Variants in AUP1 observed in about 807,000 individuals in gnomAD.
AUP1 encodes the protein AUP1 lipid droplet regulating VLDL assembly factor, also known as lipid droplet-regulating VLDL assembly factor AUP1.
Under a neutral mutation model 51.8 loss-of-function variants are expected in AUP1, and 30 were observed. That is an observed-to-expected ratio of 0.58 (90% CI 0.43 to 0.79). The LOEUF (loss-of-function observed/expected upper bound fraction) is 0.79, where lower values mean the gene tolerates loss of function less well. AUP1 is among the 30% of genes least tolerant of loss of function. The pLI, the probability that AUP1 is intolerant of heterozygous loss-of-function variation, is 0.00. For synonymous variants in AUP1, 227 were observed against 209.0 expected, an observed-to-expected ratio of 1.09 and a Z score of -0.74; for missense variants, 492 against 517.1, an observed-to-expected ratio of 0.95 and a Z score of 0.47.
At chr2:74,528,569 G>T in intron 4 of AUP1, 80 bp from the exon 5 acceptor site, 1 of 1,429,222 alleles carries the variant, frequency 7.0e-7, no homozygotes, top group Non-Finnish European at 9.8e-7. Flanking sequence ...ACAGGCAACT[G>T]TCAAACTCTA....
intron 4 of AUP1, 131 bp from the exon 5 acceptor site, chr2:74,528,620 A>G (rs1675320306): frequency 7.2e-7 from 1 of 1,395,406 alleles, no homozygotes; most frequent in African/African-American, 1.4e-5. Context: ...AGGAGAAAGA[A>G]CTTAAAGTGG....
chr2:74,529,281 A>G lies in AUP1; in HGVS notation c.190T>C (p.Phe64Leu). ...ACCGCACACATGGTCCGCACTACGA[A>G]TCTGGGGACACAGGAGGTGGTGACT... is the stretch of plus-strand genomic sequence containing the variant. ...CALPDSVLRRFVVRTMCAVLG... is the reference protein window; with the variant it reads ...CALPDSVLRRLVVRTMCAVLG... The change falls in exon 3 of 12, where the codon TTC becomes CTC. Residue 64 changes from phenylalanine to leucine, a missense_variant and splice_region_variant. Coordinates refer to ENST00000377526, the MANE Select transcript of AUP1 (RefSeq NM_181575.5). 1 of 1,614,192 alleles carries G rather than the reference A, an allele frequency of 6.2e-7. No individual in the cohort carries two copies. The highest frequency in any genetic ancestry group is 8.5e-7 in the Non-Finnish European group (1 of 1,180,024).
At chr2:74,527,416 A>G (rs1675237918) in intron 9 of AUP1, 53 bp from the exon 10 acceptor site, 19 of 1,611,024 alleles carry the variant, frequency 1.2e-5, no homozygotes, top group South Asian at 6.6e-5. Context: ...TTCCTTCACA[A>G]CCCACTTTTC....
rs1360218000 is a variant in AUP1, at chr2:74,528,751, C to G, written c.524G>C (p.Ser175Thr). The change falls in exon 4 of 12, where the codon AGT becomes ACT. Residue 175 changes from serine (S) to threonine (T), a missense_variant and splice_region_variant. Coordinates refer to ENST00000377526, the MANE Select transcript of AUP1 (RefSeq NM_181575.5). Reference sequence around the variant, plus strand: ...CGCCCCATACCTGTGCTAAACCCACCTGAAGCGCAGGAGCCCCTCCCGGCC... The same window carrying G: ...CGCCCCATACCTGTGCTAAACCCACGTGAAGCGCAGGAGCCCCTCCCGGCC... Reference protein sequence around the residue: ...TNGREGLLRFSSWPFSIQDVV... With the variant: ...TNGREGLLRFTSWPFSIQDVV... The G allele has an allele frequency of 3.8e-6, 6 of 1,592,928 alleles. No homozygotes were observed. Among genetic ancestry groups the G allele is most frequent in the Non-Finnish European group, 4.3e-6 (5 of 1,170,204 alleles).
At position 74,528,865 on chromosome 2, in the gene AUP1, TC is replaced by T; in HGVS notation, c.409del (p.Glu137SerfsTer63). 2 of 1,611,432 alleles carry T rather than the reference TC, an allele frequency of 1.2e-6. No individual in the cohort carries two copies. The highest frequency in any genetic ancestry group is 1.7e-6 in the Non-Finnish European group (2 of 1,179,508). On this transcript the variant is annotated frameshift_variant, in exon 4 of 12. Coordinates refer to ENST00000377526, the MANE Select transcript of AUP1 (RefSeq NM_181575.5). LOFTEE classifies it high-confidence loss of function. ...RGFMEMNGRG[E>X]LVESLKRFCA... ...GAATCTCTTGAGTGACTCCACCAAC[TC>T]CCCCCGCCCATTCATCTCCATGAAG...
In AUP1 at chr2:74,529,480, G is replaced by A; in HGVS notation, c.70C>T (p.Leu24=). The change falls in exon 2 of 12, where the codon CTA becomes TTA. Residue 24 remains leucine, a synonymous_variant. Coordinates refer to ENST00000377526, the MANE Select transcript of AUP1 (RefSeq NM_181575.5). ...GCGTAGAGCAGCAGCACGAGCAGTA[G>A]GAAGCAGTCACCCGGAAGCCTGGGG... The part of the protein sequence containing the change: ...DSHRLPGDCF[L]LLVLLLYAPV... The A allele has an allele frequency of 1.3e-6, 2 of 1,556,612 alleles. No homozygotes were observed. Among genetic ancestry groups the A allele is most frequent in the South Asian group, 1.2e-5 (1 of 84,936 alleles).
Position 74,529,621 on chromosome 2 carries a change from A to C in AUP1, c.9T>G (p.Leu3=). ME[L]PSGPGPERLF... is the part of the protein sequence containing the mutation. ...GCCGCTCCGGCCCCGGCCCTGAGGG[A>C]AGCTCCATAACTGCTGCTTCAGGAG... The change falls in exon 1 of 12, where the codon CTT becomes CTG. Residue 3 remains leucine, a synonymous_variant. Coordinates refer to ENST00000377526, the MANE Select transcript of AUP1 (RefSeq NM_181575.5). 1 of 1,568,078 alleles carries C rather than the reference A, an allele frequency of 6.4e-7. No individual in the cohort carries two copies. Among genetic ancestry groups the C allele is most frequent in the South Asian group, 1.2e-5 (1 of 85,788 alleles).
chr2:74,526,871 T>C, intron 11 of AUP1, 35 bp from the exon 12 acceptor site: 1 of 1,599,834 alleles, frequency 6.3e-7, no homozygotes, highest in Non-Finnish European at 8.5e-7. Flanking sequence ...ATTCAGGCTT[T>C]GCCGTAGTAG....
intron 9 of AUP1, 24 bp downstream of exon 9, chr2:74,527,447 G>T (rs948603947): frequency 6.2e-7 from 1 of 1,610,992 alleles, no homozygotes; most frequent in African/African-American, 1.3e-5. Context: ...CCATCTCCCA[G>T]TGTGGGGCCA....
Position 74,528,917 on chromosome 2 carries a change from G to C in AUP1, c.358C>G (p.Pro120Ala), listed in dbSNP as rs1464104426. ...TCSTPLLNSPPSFVCWSRGFM... is the reference protein window; with the variant it reads ...TCSTPLLNSPASFVCWSRGFM... Reference sequence around the variant, plus strand: ...CCCCGAGACCAGCACACAAAGCTGGGGGGACTATTGAGTAGAGGCTGGGAA... The same window carrying C: ...CCCCGAGACCAGCACACAAAGCTGGCGGGACTATTGAGTAGAGGCTGGGAA... The change falls in exon 4 of 12, where the codon CCC becomes GCC. Residue 120 changes from proline to alanine, a missense_variant. Transcript: ENST00000377526. 1 of 1,614,158 alleles carries C rather than the reference G, an allele frequency of 6.2e-7. No individual in the cohort carries two copies. Among genetic ancestry groups the C allele is most frequent in the Non-Finnish European group, 8.5e-7 (1 of 1,180,026 alleles).
At chr2:74,528,141 T>G in intron 6 of AUP1, 107 bp downstream of exon 6, 1 of 1,482,202 alleles carries the variant, frequency 6.7e-7, no homozygotes, top group South Asian at 1.1e-5. Flanking sequence ...GCCTCTGTGG[T>G]AGAACCTTGA....
chr2:74,529,279 G>C lies in AUP1; in HGVS notation c.192C>G (p.Phe64Leu). ...CALPDSVLRR[F>L]VVRTMCAVLG... ...GCACCGCACACATGGTCCGCACTAC[G>C]AATCTGGGGACACAGGAGGTGGTGA... The change falls in exon 3 of 12, where the codon TTC (phenylalanine) becomes TTG (leucine). Residue 64 changes from phenylalanine (F) to leucine (L), a missense_variant. By Grantham distance (22) the Phe-to-Leu change is conservative (BLOSUM62 0). Transcript: ENST00000377526. 6.2e-7 allele frequency: 1 copy of C among 1,614,202 alleles called. No individual in the cohort carries two copies. The highest frequency in any genetic ancestry group is 8.5e-7 in the Non-Finnish European group (1 of 1,180,028).
In AUP1 at chr2:74,529,487, G is replaced by A. The variant is rs1272765887; in HGVS notation, c.63C>T (p.Asp21=). The A allele has an allele frequency of 5.8e-6, 9 of 1,554,912 alleles. No individual in the cohort carries two copies. The highest frequency in any genetic ancestry group is 2.4e-5 in the East Asian group (1 of 41,474). Residue 21 remains aspartate (D), a synonymous_variant, in exon 2 of 12, where the codon GAC becomes GAT. Coordinates refer to ENST00000377526, the MANE Select transcript of AUP1 (RefSeq NM_181575.5). The part of the protein sequence containing the change: ...RLFDSHRLPG[D]CFLLLVLLLY... ...GCAGCAGCACGAGCAGTAGGAAGCA[G>A]TCACCCGGAAGCCTGGGGGCGAGAG...
chr2:74,527,006 C>T lies in AUP1; in HGVS notation c.1131G>A (p.Lys377=). 2 of 1,614,156 alleles carry T rather than the reference C, an allele frequency of 1.2e-6. No homozygotes were observed. The highest frequency in any genetic ancestry group is 1.7e-6 in the Non-Finnish European group (2 of 1,180,032). The change falls in exon 11 of 12, where the codon AAG becomes AAA. Residue 377 remains lysine (K), a synonymous_variant. Coordinates refer to ENST00000377526, the MANE Select transcript of AUP1 (RefSeq NM_181575.5). ...TPQPTALTFA[K]SSWARQESLQ... is the part of the protein sequence containing the mutation. ...GGCTCTCCTGCCGGGCCCAGGAAGA[C>T]TTGGCAAATGTTAGGGCTGTTGGCT...
intron 11 of AUP1, 32 bp from the exon 12 acceptor site, chr2:74,526,868 C>G (rs1057039141): frequency 4.4e-6 from 7 of 1,597,438 alleles, no homozygotes; most frequent in Non-Finnish European, 6.0e-6. Flanking sequence ...ATTATTCAGG[C>G]TTTGCCGTAG....
rs926091049 is a variant in AUP1 at position 74,528,643 on chromosome 2, T to C, written c.524+108A>G. The C allele has an allele frequency of 3.5e-6, 5 of 1,419,086 alleles. No individual in the cohort carries two copies. The African/African-American group carries it at 4.3e-5, about 12-fold the overall frequency. The allele number at this position is 1,419,086 out of a possible 1,614,324, so 87.9% of individuals were successfully genotyped here. A position where few individuals can be genotyped will look rare whatever the true frequency, so the allele number is the denominator to read the frequency against. Reference sequence around the variant, plus strand: ...GAACTTAAAGTGGACAGAAAGGAAATGAACTGGAGATGATGGGGTCTAAGG... The same window carrying C: ...GAACTTAAAGTGGACAGAAAGGAAACGAACTGGAGATGATGGGGTCTAAGG... On this transcript the variant is annotated intron_variant, in intron 4 of 11. Coordinates refer to ENST00000377526, the MANE Select transcript of AUP1 (RefSeq NM_181575.5).
rs1343787241 is a variant in AUP1, at chr2:74,529,667, C to G, written c.-38G>C. On this transcript the variant is annotated 5_prime_UTR_variant, in exon 1 of 12. Coordinates refer to ENST00000377526, the MANE Select transcript of AUP1 (RefSeq NM_181575.5). ...AGGAGCGCCCGGCCGTCGCCGCCGC[C>G]GCCATTTTCGCGCCCGGCCGCAGGG... 6.5e-7 allele frequency: 1 copy of G among 1,543,738 alleles called. No homozygotes were observed. Among genetic ancestry groups the G allele is most frequent in the African/African-American group, 1.4e-5 (1 of 73,146 alleles).
rs1302638370 is a variant in AUP1, at chr2:74,528,777, A to G, written c.498T>C (p.Asn166=). 1 of 1,609,426 alleles carries G rather than the reference A, an allele frequency of 6.2e-7. No individual in the cohort carries two copies. The highest frequency in any genetic ancestry group is 8.5e-7 in the Non-Finnish European group (1 of 1,177,790). ...LLLFPEEEAT[N]GREGLLRFSS... The stretch of plus-strand genomic sequence containing the variant: ...TGAAGCGCAGGAGCCCCTCCCGGCC[A>G]TTGGTGGCCTCTTCCTCAGGGAATA... The change falls in exon 4 of 12, where the codon AAT becomes AAC. Residue 166 remains asparagine (N), a synonymous_variant. Coordinates refer to ENST00000377526, the MANE Select transcript of AUP1 (RefSeq NM_181575.5).
Position 74,528,887 on chromosome 2 carries a change from TG to T in AUP1, c.387del (p.Phe129LeufsTer4). 6.2e-7 allele frequency: 1 copy of T among 1,613,508 alleles called. No homozygotes were observed. The highest frequency in any genetic ancestry group is 8.5e-7 in the Non-Finnish European group (1 of 1,179,904). On this transcript the variant is annotated frameshift_variant, in exon 4 of 12. Transcript: ENST00000377526. LOFTEE classifies it high-confidence loss of function. ...PPSFVCWSRG[F>X]MEMNGRGELV... is the part of the protein sequence containing the mutation. ...AACTCCCCCCGCCCATTCATCTCCA[TG>T]AAGCCCCGAGACCAGCACACAAAGC...
Sources: allele counts gnomAD v4.1 joint callset, GRCh38; gene constraint gnomAD v4.1.1; transcripts MANE v1.5; gene names NCBI Gene and HGNC (gene_info 2026-07-23, HGNC 2026-07-21).